Variants in SH3GL3 observed in about 807,000 individuals in gnomAD.
The protein encoded by SH3GL3 is endophilin-A3.
Under a neutral mutation model 47.7 loss-of-function variants are expected in SH3GL3, and 33 were observed. The observed-to-expected ratio is 0.69, with a 90% CI of 0.52 to 0.92. SH3GL3 has a LOEUF of 0.92. Ranked by LOEUF, SH3GL3 falls within the 40% of genes least tolerant of loss-of-function variation. The probability of loss-of-function intolerance (pLI) is 0.00; values close to 1 mark genes in which losing one functional copy is unlikely to be tolerated. For missense variants in SH3GL3, 363 were observed against 417.8 expected (o/e 0.87, Z 1.14); for synonymous variants, 155 against 148.8 (o/e 1.04, Z -0.30).
intron 1 of SH3GL3, among the ~76,000 whole-genome samples, chr15:83,468,889 A>G (rs532147902): frequency 1.3e-5 from 2 of 151,016 alleles, no homozygotes; most frequent in Non-Finnish European, 2.9e-5. Context: ...TTTCTGAAGG[A>G]GATTGTGTAG....
intron 1 of SH3GL3, among the ~76,000 whole-genome samples, chr15:83,539,522 G>A (rs1170137535): frequency 6.6e-6 from 1 of 152,196 alleles, no homozygotes; most frequent in South Asian, 2.1e-4. Context: ...AGCCATAGCA[G>A]AAATCTTCTT....
intron 1 of SH3GL3, among the ~76,000 whole-genome samples, chr15:83,502,788 GT>G (rs1466123898): frequency 6.6e-6 from 1 of 152,154 alleles, no homozygotes; most frequent in Non-Finnish European, 1.5e-5. Flanking sequence ...GGGGCTCAAG[GT>G]TTTCTCATGG....
chr15:83,478,089 C>G (rs981920495), intron 1 of SH3GL3, among the ~76,000 whole-genome samples: 8 of 152,004 alleles, frequency 5.3e-5, no homozygotes, highest in African/African-American at 1.9e-4. Context: ...AATGAACAGA[C>G]AGTGAGGGCC....
chr15:83,540,632 A>G (rs2044110927), intron 1 of SH3GL3, among the ~76,000 whole-genome samples: 1 of 152,070 alleles, frequency 6.6e-6, no homozygotes, highest in African/African-American at 2.4e-5. Context: ...TTTAAATTTA[A>G]AATTTCTATG....
intron 1 of SH3GL3, among the ~76,000 whole-genome samples, chr15:83,546,886 G>A (rs2044428419): frequency 1.3e-5 from 2 of 152,132 alleles, no homozygotes; most frequent in African/African-American, 4.8e-5. Context: ...ACTTTGCTTG[G>A]TACTTTATTT....
chr15:83,447,661 G>A lies in SH3GL3; in HGVS notation c.45+83G>A. 9.9e-7 allele frequency: 1 copy of A among 1,006,810 alleles called. No homozygotes were observed. Among genetic ancestry groups the A allele is most frequent in the Non-Finnish European group, 1.4e-6 (1 of 718,346 alleles). 62.4% of individuals were successfully genotyped at this position (1,006,810 alleles called of 1,614,324 possible). On this transcript the variant is annotated intron_variant, in intron 1 of 8. Coordinates refer to ENST00000427482, the MANE Select transcript of SH3GL3 (RefSeq NM_003027.5). This position sits in a 1 kb window ranked among gnomAD's most constrained non-coding sequence, Gnocchi z 5.1. The stretch of plus-strand genomic sequence containing the variant: ...AGGCTCCCGGGCCTTTGGGACTCCT[G>A]TTCCCTGAAGGGCCTCTCTCGGGGC...
intron 1 of SH3GL3, among the ~76,000 whole-genome samples, chr15:83,554,221 C>T (rs951712803): frequency 6.6e-6 from 1 of 151,806 alleles, no homozygotes; most frequent in African/African-American, 2.4e-5. Flanking sequence ...GAATTTCACT[C>T]TTATTGCCCA....
chr15:83,532,013 G>A (rs1208230469), intron 1 of SH3GL3, among the ~76,000 whole-genome samples: 1 of 152,036 alleles, frequency 6.6e-6, no homozygotes, highest in African/African-American at 2.4e-5. Context: ...CTGACTTATT[G>A]GCTGTTTTTA....
At chr15:83,474,852 T>C (rs924225253) in intron 1 of SH3GL3, among the ~76,000 whole-genome samples, 3 of 152,104 alleles carry the variant, frequency 2.0e-5, no homozygotes, top group Non-Finnish European at 4.4e-5. Context: ...CAAGTCATGA[T>C]ACAGATTTGA....
At chr15:83,462,058 A>T (rs990738674) in intron 1 of SH3GL3, among the ~76,000 whole-genome samples, 1 of 152,228 alleles carries the variant, frequency 6.6e-6, no homozygotes, top group Non-Finnish European at 1.5e-5. Context: ...GGAATTTTTA[A>T]ATAGAATTAC....
intron 1 of SH3GL3, among the ~76,000 whole-genome samples, chr15:83,501,406 A>T (rs1419680989): frequency 2.6e-5 from 4 of 152,080 alleles, no homozygotes; most frequent in South Asian, 2.1e-4. Context: ...TTATATATTT[A>T]AAAAAAATTC....
chr15:83,613,741 C>CA (rs1235231031), intron 8 of SH3GL3, among the ~76,000 whole-genome samples: 2 of 151,992 alleles, frequency 1.3e-5, no homozygotes, highest in Admixed American at 1.3e-4. Context: ...TGTCATAGAT[C>CA]ATGTACGAGG....
At chr15:83,544,915 A>AT (rs1334113503) in intron 1 of SH3GL3, among the ~76,000 whole-genome samples, 2 of 151,786 alleles carry the variant, frequency 1.3e-5, no homozygotes, top group Non-Finnish European at 1.5e-5. Context: ...TTTATATGCT[A>AT]TTTTTTTCTT....
At chr15:83,602,860 T>C (rs2060422658) in intron 8 of SH3GL3, among the ~76,000 whole-genome samples, 2 of 152,162 alleles carry the variant, frequency 1.3e-5, no homozygotes, top group South Asian at 4.1e-4. Flanking sequence ...AAATGTGTCT[T>C]CCAAGACCAC....
intron 1 of SH3GL3, among the ~76,000 whole-genome samples, chr15:83,469,356 T>C (rs776910620): frequency 8.5e-5 from 13 of 152,266 alleles, no homozygotes; most frequent in Middle Eastern, 3.4e-3. Flanking sequence ...TTCTTCCTTC[T>C]GCTTCCTTAG....
intron 1 of SH3GL3, chr15:83,490,740 T>G: frequency 1.3e-6 from 2 of 1,588,048 alleles, no homozygotes; most frequent in Non-Finnish European, 1.7e-6. Flanking sequence ...ATTTGTTCAC[T>G]TTTAATTACA....
In SH3GL3 at chr15:83,511,057, G is replaced by A. The variant is rs556813818; in HGVS notation, c.46-48196G>A. ...ACCTAATGTAAATGACAAGTTAATGGTTGCAGCACACCAACATGGCACATG... is the reference window on the plus strand; with the variant it reads ...ACCTAATGTAAATGACAAGTTAATGATTGCAGCACACCAACATGGCACATG... On this transcript the variant is annotated intron_variant, in intron 1 of 8. Transcript: ENST00000427482. Among the ~76,000 whole-genome samples, 106 of 152,244 alleles carry A rather than the reference G, an allele frequency of 7.0e-4. 1 individual carries two copies. The highest frequency in any genetic ancestry group is 2.5e-3 in the African/African-American group (103 of 41,542).
At chr15:83,566,363 AGAGTGT>A (rs1441922123) in intron 3 of SH3GL3, among the ~76,000 whole-genome samples, 5 of 128,322 alleles carry the variant, frequency 3.9e-5, no homozygotes, top group East Asian at 2.4e-4. Context: ...AGAGAGAGAG[AGAGTGT>A]GTGTGTGTGT....
In SH3GL3 at chr15:83,559,282, A is replaced by C; in HGVS notation, c.75A>C (p.Glu25Asp). The C allele has an allele frequency of 6.3e-7, 1 of 1,592,162 alleles. No individual in the cohort carries two copies. Among genetic ancestry groups the C allele is most frequent in the South Asian group, 1.1e-5 (1 of 90,644 alleles). ...TTAGTGAAAAAATAAGTGGTGCTGA[A>C]GGAACTAAACTAGACGATGAATTTC... is the stretch of plus-strand genomic sequence containing the variant. ...QLFSEKISGAEGTKLDDEFLD... is the reference protein window; with the variant it reads ...QLFSEKISGADGTKLDDEFLD... Residue 25 changes from glutamate to aspartate, a missense_variant, in exon 2 of 9, where the codon GAA (glutamate) becomes GAC (aspartate). Coordinates refer to ENST00000427482, the MANE Select transcript of SH3GL3 (RefSeq NM_003027.5).
Sources: gnomAD v4.1 joint callset for allele counts (sites outside exome capture counted in the v4.1 genomes callset) on GRCh38, gnomAD v4.1.1 for gene constraint, Gnocchi (gnomAD v3.1) non-coding constraint, MANE v1.5 for transcripts, NCBI Gene and HGNC (gene_info 2026-07-23, HGNC 2026-07-21) for gene names.